The following TMEM131 variants were observed in gnomAD, a reference collection of about 807,000 sequenced individuals.
TMEM131 encodes transmembrane protein 131.
TMEM131 carries 66 observed loss-of-function variants against 211.6 expected under a neutral mutation model. That is an observed-to-expected ratio of 0.31 (90% CI 0.26 to 0.38). The LOEUF is 0.38. Ranked by LOEUF, TMEM131 falls within the 10% of genes least tolerant of loss-of-function variation. TMEM131 has a pLI of 1.00. For missense variants in TMEM131, 2,036 were observed against 2,299.3 expected (o/e 0.89, Z 2.34); for synonymous variants, 844 against 841.3 (o/e 1.00, Z -0.06).
At position 97,900,037 on chromosome 2, in the gene TMEM131, A is replaced by G. The variant is rs541444172; in HGVS notation, c.290+8621T>C. ...TAATACACCAACTTACTTTTAAGGT[A>G]GCCTAGTCTCCCCTTAAACATGCTC... is the stretch of plus-strand genomic sequence containing the variant. On this transcript the variant is annotated intron_variant, in intron 3 of 40. Coordinates refer to ENST00000186436, the MANE Select transcript of TMEM131 (RefSeq NM_015348.2). 2.6e-5 allele frequency among the ~76,000 whole-genome samples: 4 copies of G among 152,264 alleles called. No homozygotes were observed. In the South Asian group the frequency reaches 8.3e-4, roughly 32 times the overall value.
At chr2:97,981,903 T>C (rs1679815554) in intron 1 of TMEM131, among the ~76,000 whole-genome samples, 1 of 152,260 alleles carries the variant, frequency 6.6e-6, no homozygotes, top group African/African-American at 2.4e-5. Flanking sequence ...CACTCATTTC[T>C]ATGGCTGAAT....
rs148984124 is a variant in TMEM131, at chr2:97,876,941, G to A, written c.359+11111C>T. Among the ~76,000 whole-genome samples the A allele has an allele frequency of 1.4e-3, 217 of 152,168 alleles. 1 individual carries two copies. Among genetic ancestry groups the A allele is most frequent in the African/African-American group, 4.9e-3 (204 of 41,538 alleles). On this transcript the variant is annotated intron_variant, in intron 4 of 40. Transcript: ENST00000186436. ...CTGTTTGCAGATGAAATGATGATAC[G>A]TTTAGAAAACCCCATCGACTCAGCC...
chr2:97,806,624 G>C (rs1276511667), intron 19 of TMEM131, among the ~76,000 whole-genome samples: 1 of 152,158 alleles, frequency 6.6e-6, no homozygotes, highest in African/African-American at 2.4e-5. Flanking sequence ...ACAAGCTTCT[G>C]TCTGTGACAG....
intron 19 of TMEM131, among the ~76,000 whole-genome samples, chr2:97,809,122 T>C (rs912639482): frequency 2.0e-5 from 3 of 152,242 alleles, no homozygotes; most frequent in Admixed American, 6.5e-5. Flanking sequence ...GCTCTGATGA[T>C]GTCAAGTCTT....
chr2:97,823,040 A>G (rs776419932), intron 11 of TMEM131, among the ~76,000 whole-genome samples: 4 of 152,170 alleles, frequency 2.6e-5, no homozygotes, highest in Non-Finnish European at 4.4e-5. Context: ...GAAGGCAAGT[A>G]GAGTGAAATA....
chr2:97,923,440 T>C (rs939009625), intron 2 of TMEM131, among the ~76,000 whole-genome samples: 27 of 151,746 alleles, frequency 1.8e-4, no homozygotes, highest in South Asian at 4.2e-4. Context: ...CTGGGCAACA[T>C]AGTGAGAACC....
intron 1 of TMEM131, among the ~76,000 whole-genome samples, chr2:97,952,713 C>CA (rs1348670592): frequency 6.6e-6 from 1 of 151,986 alleles, no homozygotes; most frequent in African/African-American, 2.4e-5. Flanking sequence ...TACATCACTA[C>CA]AAAAAAATTT....
intron 5 of TMEM131, among the ~76,000 whole-genome samples, chr2:97,847,586 T>A (rs1255296121): frequency 6.6e-6 from 1 of 152,202 alleles, no homozygotes; most frequent in East Asian, 1.9e-4. Context: ...CAATATTAGA[T>A]GTTAGTTCTC....
intron 1 of TMEM131, among the ~76,000 whole-genome samples, chr2:97,989,277 C>CAAAAAAAAAA (rs768850056): frequency 9.6e-6 from 1 of 103,848 alleles, no homozygotes. Flanking sequence ...AAAAACAAAA[C>CAAAAAAAAAA]AAAAAAAAAA....
chr2:97,934,311 A>C (rs575015088), intron 1 of TMEM131, among the ~76,000 whole-genome samples: 2 of 152,298 alleles, frequency 1.3e-5, no homozygotes, highest in East Asian at 3.9e-4. Context: ...ATATAAATCT[A>C]AGAAAGCATG....
intron 11 of TMEM131, among the ~76,000 whole-genome samples, chr2:97,822,129 CTCTCTG>C (rs1234415368): frequency 1.3e-5 from 2 of 152,210 alleles, no homozygotes; most frequent in Non-Finnish European, 2.9e-5. Flanking sequence ...CTAAAAACCA[CTCTCTG>C]TCTCTGATGC....
chr2:97,980,859 A>G (rs1679756560), intron 1 of TMEM131, among the ~76,000 whole-genome samples: 2 of 152,042 alleles, frequency 1.3e-5, no homozygotes, highest in South Asian at 2.1e-4. Flanking sequence ...GACATTCTCA[A>G]AAAGAGAAAA....
intron 2 of TMEM131, among the ~76,000 whole-genome samples, chr2:97,912,226 G>C (rs11688829): frequency 6.6e-6 from 1 of 151,930 alleles, no homozygotes; most frequent in Non-Finnish European, 1.5e-5. Context: ...AAGGAAAAAA[G>C]GAAATGGGAA....
chr2:97,987,377 C>T (rs1226267095), intron 1 of TMEM131, among the ~76,000 whole-genome samples: 1 of 152,088 alleles, frequency 6.6e-6, no homozygotes, highest in Non-Finnish European at 1.5e-5. Flanking sequence ...GTGGCACACA[C>T]CTGTAGTCCC....
intron 3 of TMEM131, among the ~76,000 whole-genome samples, chr2:97,891,798 G>A (rs1201720892): frequency 6.6e-6 from 1 of 152,082 alleles, no homozygotes; most frequent in African/African-American, 2.4e-5. Flanking sequence ...CACCTACAAT[G>A]TTTGTGGAAA....
intron 1 of TMEM131, among the ~76,000 whole-genome samples, chr2:97,967,902 T>C (rs1290763846): frequency 6.6e-6 from 1 of 151,836 alleles, no homozygotes; most frequent in Non-Finnish European, 1.5e-5. Context: ...TGTTTTTTTT[T>C]TTGGAGAGGT....
At chr2:97,840,804 A>G (rs922716063) in intron 7 of TMEM131, among the ~76,000 whole-genome samples, 4 of 152,162 alleles carry the variant, frequency 2.6e-5, no homozygotes, top group Admixed American at 6.5e-5. Context: ...ACAAAAATTA[A>G]AACTGGGGCT....
At chr2:97,967,875 C>T (rs1407247290) in intron 1 of TMEM131, among the ~76,000 whole-genome samples, 1 of 151,508 alleles carries the variant, frequency 6.6e-6, no homozygotes, top group Admixed American at 6.6e-5. Flanking sequence ...GGATGTCTTA[C>T]GCCACTTTTT....
chr2:97,880,964 G>A (rs1256301430), intron 4 of TMEM131, among the ~76,000 whole-genome samples: 2 of 152,210 alleles, frequency 1.3e-5, no homozygotes, highest in Non-Finnish European at 2.9e-5. Flanking sequence ...AGTCAGTGGT[G>A]CCAGGTGCCA....
Sources: allele counts gnomAD v4.1 joint callset (sites outside exome capture counted in the v4.1 genomes callset), GRCh38; gene constraint gnomAD v4.1.1; transcripts MANE v1.5; gene names NCBI Gene and HGNC (gene_info 2026-07-23, HGNC 2026-07-21).